UGGT1: variants seen among roughly 807,000 people sequenced by gnomAD.
The protein encoded by UGGT1 is UDP-glucose glycoprotein glucosyltransferase 1.
In UGGT1, 107 loss-of-function variants were observed where a neutral mutation model predicts 203.9. The observed-to-expected ratio is 0.52, with a 90% CI of 0.45 to 0.62. The LOEUF is 0.62. Ranked by LOEUF, UGGT1 falls within the 20% of genes least tolerant of loss-of-function variation. UGGT1 has a pLI of 0.00. For synonymous variants in UGGT1, 628 were observed against 653.5 expected (o/e 0.96, Z 0.59); for missense variants, 1,673 against 1,867.2 (o/e 0.90, Z 1.92).
chr2:128,133,728 CTCT>C (rs992659949), intron 14 of UGGT1, among the ~76,000 whole-genome samples: 3 of 152,172 alleles, frequency 2.0e-5, no homozygotes, highest in African/African-American at 7.2e-5. Context: ...TTTAAGATAG[CTCT>C]TTTTTTACAG....
chr2:128,154,066 C>T (rs1347775586), intron 19 of UGGT1, among the ~76,000 whole-genome samples: 1 of 151,548 alleles, frequency 6.6e-6, no homozygotes, highest in African/African-American at 2.4e-5. Flanking sequence ...TATATACACA[C>T]ACACACACAC....
chr2:128,128,448 A>T (rs540352735), intron 12 of UGGT1, among the ~76,000 whole-genome samples: 77 of 151,822 alleles, frequency 5.1e-4, no homozygotes, highest in Admixed American at 1.5e-3. Flanking sequence ...AGTAGCTGGG[A>T]TTACAGGCAC....
At chr2:128,125,986 A>G (rs1402566270) in intron 11 of UGGT1, among the ~76,000 whole-genome samples, 1 of 146,634 alleles carries the variant, frequency 6.8e-6, no homozygotes, top group Non-Finnish European at 1.5e-5. Context: ...TGTGTCGCCC[A>G]GGCTGGAGTG....
intron 10 of UGGT1, among the ~76,000 whole-genome samples, chr2:128,122,047 C>T (rs1332884960): frequency 6.6e-6 from 1 of 152,138 alleles, no homozygotes; most frequent in African/African-American, 2.4e-5. Flanking sequence ...GGCTAAGTGA[C>T]TAGTTCATAG....
At chr2:128,105,014 GT>G (rs898706992) in intron 3 of UGGT1, among the ~76,000 whole-genome samples, 22 of 146,288 alleles carry the variant, frequency 1.5e-4, no homozygotes, top group South Asian at 2.2e-4. Context: ...TTAATGGGTT[GT>G]TTTTTTTTTC....
intron 34 of UGGT1, among the ~76,000 whole-genome samples, chr2:128,179,428 CAGG>C (rs1341991154): frequency 1.3e-5 from 2 of 152,168 alleles, no homozygotes; most frequent in African/African-American, 4.8e-5. Context: ...TGTCATGTGA[CAGG>C]AGTTTTGGGG....
intron 40 of UGGT1, among the ~76,000 whole-genome samples, chr2:128,188,662 T>A (rs1692111577): frequency 6.6e-6 from 1 of 152,244 alleles, no homozygotes. Context: ...TCTAAAAAAG[T>A]GGCTGGGCAC....
chr2:128,097,454 G>A lies in UGGT1; in HGVS notation c.84G>A (p.Leu28=), dbSNP rs149795669. ...GAGTTTGCTATAAAATGGGAGTTCTGGTTGTACTCACTGTTCTGTGGCTGT... is the reference window on the plus strand; with the variant it reads ...GAGTTTGCTATAAAATGGGAGTTCTAGTTGTACTCACTGTTCTGTGGCTGT... ...VTGVCYKMGV[L]VVLTVLWLFS... is the part of the protein sequence containing the mutation. Residue 28 remains leucine (L), a synonymous_variant, in exon 2 of 41, where the codon CTG becomes CTA. Coordinates refer to ENST00000259253, the MANE Select transcript of UGGT1 (RefSeq NM_020120.4). The A allele has an allele frequency of 2.5e-6, 4 of 1,613,696 alleles. No homozygotes were observed. The highest frequency in any genetic ancestry group is 3.4e-6 in the Non-Finnish European group (4 of 1,179,938).
intron 15 of UGGT1, among the ~76,000 whole-genome samples, chr2:128,137,145 A>C (rs1204855791): frequency 6.6e-6 from 1 of 152,148 alleles, no homozygotes; most frequent in Non-Finnish European, 1.5e-5. Context: ...AGCCAGGTGC[A>C]ATGGCTCATG....
chr2:128,157,147 T>A, intron 21 of UGGT1, 105 bp from the exon 22 acceptor site: 1 of 804,868 alleles, frequency 1.2e-6, no homozygotes, highest in Middle Eastern at 3.6e-4. Context: ...TTCTTCTTTT[T>A]GCATGGTTCT....
chr2:128,186,898 C>T, intron 39 of UGGT1, 99 bp downstream of exon 39: 1 of 908,496 alleles, frequency 1.1e-6, no homozygotes, highest in Non-Finnish European at 1.7e-6. Context: ...TTAAGAATTT[C>T]CTAGATTCTT....
At chr2:128,187,335 G>T in intron 39 of UGGT1, 114 bp from the exon 40 acceptor site, 1 of 1,159,966 alleles carries the variant, frequency 8.6e-7, no homozygotes, top group Non-Finnish European at 1.2e-6. Context: ...ATATCATTTG[G>T]TTCCTTACTA....
intron 39 of UGGT1, 66 bp downstream of exon 39, chr2:128,186,865 G>T: frequency 1.7e-6 from 2 of 1,149,090 alleles, no homozygotes; most frequent in Non-Finnish European, 2.5e-6. Context: ...CACGATTAAT[G>T]ATTTTTATTT....
In UGGT1 at chr2:128,173,943, A is replaced by T; in HGVS notation, c.3453+4A>T. ...CACCATTGTTATGGCCAATCTGGTA[A>T]ATAATCTGTTCATCAGATAGTGATA... On this transcript the variant is annotated splice_donor_region_variant and intron_variant, in intron 30 of 40. Transcript: ENST00000259253. The T allele has an allele frequency of 3.1e-6, 5 of 1,613,886 alleles. No homozygotes were observed. Among genetic ancestry groups the T allele is most frequent in the Non-Finnish European group, 3.4e-6 (4 of 1,179,870 alleles).
At chr2:128,098,681 G>A (rs1368605134) in intron 2 of UGGT1, among the ~76,000 whole-genome samples, 4 of 151,766 alleles carry the variant, frequency 2.6e-5, no homozygotes, top group South Asian at 2.1e-4. Flanking sequence ...CCCAGGAGGC[G>A]GAGGTTGCAG....
intron 5 of UGGT1, among the ~76,000 whole-genome samples, chr2:128,111,179 C>G (rs7563606): frequency 0.89 from 135,421 of 152,058 alleles, 61,294 homozygotes; most frequent in Non-Finnish European, 0.98. Context: ...AAAGTGAGAC[C>G]CAGTTTCTCC....
At chr2:128,121,470 A>G (rs1688379425) in intron 10 of UGGT1, among the ~76,000 whole-genome samples, 172 bp downstream of exon 10, 5 of 147,908 alleles carry the variant, frequency 3.4e-5, no homozygotes, top group Admixed American at 2.8e-4. Context: ...CAGTGGTGCA[A>G]TCTCGGCTTA....
intron 18 of UGGT1, among the ~76,000 whole-genome samples, chr2:128,150,927 T>A (rs1315689495): frequency 6.6e-6 from 1 of 151,630 alleles, no homozygotes; most frequent in East Asian, 1.9e-4. Flanking sequence ...CTCGGTTTAC[T>A]GCAACTTCTG....
intron 9 of UGGT1, among the ~76,000 whole-genome samples, chr2:128,120,986 C>T (rs1215584898): frequency 6.6e-6 from 1 of 152,088 alleles, no homozygotes; most frequent in Non-Finnish European, 1.5e-5. Flanking sequence ...CTAGTGTTTT[C>T]TGCAGATATA....
Sources: gnomAD v4.1 joint callset for allele counts (sites outside exome capture counted in the v4.1 genomes callset) on GRCh38, gnomAD v4.1.1 for gene constraint, MANE v1.5 for transcripts, NCBI Gene and HGNC (gene_info 2026-07-23, HGNC 2026-07-21) for gene names.